IMMP2L: variants seen among roughly 807,000 people sequenced by gnomAD.
The protein encoded by IMMP2L is inner mitochondrial membrane peptidase subunit 2.
IMMP2L carries 18 observed loss-of-function variants against 19.3 expected under a neutral mutation model. That is an observed-to-expected ratio of 0.93 (90% confidence interval 0.64 to 1.38). IMMP2L has a LOEUF of 1.38. Among genes scored for constraint, IMMP2L ranks in the 40% most tolerant of loss-of-function variants. The pLI is 0.00. For synonymous variants in IMMP2L, 76 were observed against 73.0 expected, an observed-to-expected ratio of 1.04 and a Z score of -0.21; for missense variants, 233 against 218.2, an observed-to-expected ratio of 1.07 and a Z score of -0.43.
At chr7:111,267,371 A>G (rs1386237180) in intron 3 of IMMP2L, among the ~76,000 whole-genome samples, 1 of 152,182 alleles carries the variant, frequency 6.6e-6, no homozygotes, top group African/African-American at 2.4e-5. Context: ...CAATGTCATT[A>G]TTTAAACATA....
chr7:111,485,458 C>A (rs553237031), intron 3 of IMMP2L, among the ~76,000 whole-genome samples: 1 of 151,648 alleles, frequency 6.6e-6, no homozygotes, highest in African/African-American at 2.4e-5. Flanking sequence ...ATTAGCTGGG[C>A]GTGGTGGTGG....
At chr7:111,292,647 A>T (rs935718759) in intron 3 of IMMP2L, among the ~76,000 whole-genome samples, 8 of 152,186 alleles carry the variant, frequency 5.3e-5, no homozygotes, top group Admixed American at 5.2e-4. Flanking sequence ...TATTATTCAG[A>T]ATCTACTTCC....
At chr7:111,079,420 T>G (rs889869509) in intron 3 of IMMP2L, among the ~76,000 whole-genome samples, 1 of 152,088 alleles carries the variant, frequency 6.6e-6, no homozygotes, top group African/African-American at 2.4e-5. Context: ...CCCGGCCTAA[T>G]TTTTTTCTAA....
chr7:110,835,418 T>C (rs1018612043), intron 5 of IMMP2L, among the ~76,000 whole-genome samples: 5 of 152,140 alleles, frequency 3.3e-5, no homozygotes, highest in African/African-American at 1.2e-4. Flanking sequence ...ATCTCTCAGA[T>C]GATCAAAGAC....
intron 3 of IMMP2L, among the ~76,000 whole-genome samples, chr7:111,048,481 A>AGTT (rs1431689535): frequency 6.6e-6 from 1 of 151,890 alleles, no homozygotes; most frequent in Non-Finnish European, 1.5e-5. Context: ...CAGTCACCAT[A>AGTT]GTTGCTTCTA....
chr7:110,828,056 T>C (rs1803661770), intron 5 of IMMP2L, among the ~76,000 whole-genome samples: 1 of 152,100 alleles, frequency 6.6e-6, no homozygotes, highest in East Asian at 1.9e-4. Context: ...AGTGCTCCTA[T>C]CCAGATTTTT....
At chr7:110,952,569 A>C (rs1383913178) in intron 4 of IMMP2L, among the ~76,000 whole-genome samples, 1 of 152,180 alleles carries the variant, frequency 6.6e-6, no homozygotes, top group African/African-American at 2.4e-5. Flanking sequence ...GTAATGTTCC[A>C]AAGCCAGTCC....
chr7:110,695,105 T>G (rs559424375), intron 5 of IMMP2L, among the ~76,000 whole-genome samples: 1 of 152,048 alleles, frequency 6.6e-6, no homozygotes, highest in South Asian at 2.1e-4. Flanking sequence ...GAGGTTTCCT[T>G]TGGGGTAATG....
intron 5 of IMMP2L, among the ~76,000 whole-genome samples, chr7:110,773,167 T>A (rs182504342): frequency 4.6e-5 from 7 of 152,172 alleles, no homozygotes; most frequent in Admixed American, 2.0e-4. Context: ...GTATTATTAG[T>A]TTAGTCACTG....
chr7:111,455,026 T>A (rs1396255907), intron 3 of IMMP2L, among the ~76,000 whole-genome samples: 1 of 151,818 alleles, frequency 6.6e-6, no homozygotes, highest in Non-Finnish European at 1.5e-5. Flanking sequence ...TTAGTGGATG[T>A]CCTATCTAGT....
intron 4 of IMMP2L, among the ~76,000 whole-genome samples, chr7:110,927,940 T>A (rs575271047): frequency 3.2e-4 from 49 of 152,196 alleles, no homozygotes; most frequent in African/African-American, 1.2e-3. Flanking sequence ...CTTTGCAGTA[T>A]CTCTTATCTC....
chr7:111,174,347 G>A (rs927359028), intron 3 of IMMP2L, among the ~76,000 whole-genome samples: 4 of 151,576 alleles, frequency 2.6e-5, no homozygotes, highest in African/African-American at 7.3e-5. Context: ...TACAGCTGGC[G>A]AGTGTCAAAA....
intron 3 of IMMP2L, among the ~76,000 whole-genome samples, chr7:111,182,230 C>A (rs561027898): frequency 8.9e-4 from 135 of 152,044 alleles, no homozygotes; most frequent in Non-Finnish European, 1.5e-3. Flanking sequence ...CTCAGTGGAA[C>A]TCTGGAACAG....
intron 3 of IMMP2L, among the ~76,000 whole-genome samples, chr7:111,038,490 A>T (rs1319075528): frequency 6.6e-6 from 1 of 152,164 alleles, no homozygotes; most frequent in East Asian, 1.9e-4. Flanking sequence ...CTAGGTTAGC[A>T]AACTCACTAA....
chr7:110,929,400 T>C (rs1329777066), intron 4 of IMMP2L, among the ~76,000 whole-genome samples: 1 of 152,182 alleles, frequency 6.6e-6, no homozygotes, highest in Non-Finnish European at 1.5e-5. Flanking sequence ...TTGGCATCAA[T>C]AGAAACTCAT....
intron 3 of IMMP2L, among the ~76,000 whole-genome samples, chr7:111,109,463 A>C (rs983083467): frequency 6.6e-6 from 1 of 152,208 alleles, no homozygotes; most frequent in East Asian, 1.9e-4. Context: ...AGGTCTAGAC[A>C]TGAAGGTGTT....
chr7:111,094,739 T>C (rs1298130888), intron 3 of IMMP2L, among the ~76,000 whole-genome samples: 4 of 152,174 alleles, frequency 2.6e-5, no homozygotes, highest in Admixed American at 6.6e-5. Context: ...GTTAGACATC[T>C]ACGAAGTCAC....
chr7:111,365,015 T>C (rs1829636402), intron 3 of IMMP2L, among the ~76,000 whole-genome samples: 1 of 151,878 alleles, frequency 6.6e-6, no homozygotes, highest in African/African-American at 2.4e-5. Context: ...TAATAAAAAT[T>C]GCTTATTTTA....
chr7:111,108,378 T>C (rs1265821125), intron 3 of IMMP2L, among the ~76,000 whole-genome samples: 2 of 152,158 alleles, frequency 1.3e-5, no homozygotes, highest in African/African-American at 4.8e-5. Flanking sequence ...CTAAATTACA[T>C]GGTTTTCTAT....
Sources: gnomAD v4.1 joint callset for allele counts (sites outside exome capture counted in the v4.1 genomes callset) on GRCh38, gnomAD v4.1.1 for gene constraint, MANE v1.5 for transcripts, NCBI Gene and HGNC (gene_info 2026-07-23, HGNC 2026-07-21) for gene names.